ELOVL2: variants seen among roughly 807,000 people sequenced by gnomAD.
ELOVL2 encodes the protein very long chain fatty acid elongase 2.
A neutral mutation model predicts 37.7 loss-of-function variants in ELOVL2; 38 were observed. That is an observed-to-expected ratio of 1.01 (90% confidence interval 0.78 to 1.32). The LOEUF is 1.32. Ranked by LOEUF, ELOVL2 falls within the 40% of genes most tolerant of loss-of-function variation. The probability of loss-of-function intolerance (pLI) is 0.00; values close to 1 mark genes in which losing one functional copy is unlikely to be tolerated. For synonymous variants in ELOVL2, 115 were observed against 122.3 expected (o/e 0.94, Z 0.40); for missense variants, 352 against 363.6 (o/e 0.97, Z 0.26).
intron 7 of ELOVL2, among the ~76,000 whole-genome samples, chr6:10,984,377 T>C (rs910224401): frequency 1.3e-5 from 2 of 152,068 alleles, no homozygotes; most frequent in Non-Finnish European, 2.9e-5. Flanking sequence ...ATTATTATTA[T>C]ACTTTAAGTT....
chr6:11,007,881 GTTT>G (rs1298537319), intron 2 of ELOVL2, among the ~76,000 whole-genome samples: 1 of 152,166 alleles, frequency 6.6e-6, no homozygotes, highest in Admixed American at 6.5e-5. Flanking sequence ...AGCACCTGAG[GTTT>G]TTGTTTTCTT....
At chr6:10,995,407 T>C (rs1581862529) in intron 4 of ELOVL2, among the ~76,000 whole-genome samples, 1 of 100,842 alleles carries the variant, frequency 9.9e-6, no homozygotes, top group East Asian at 3.0e-4. Flanking sequence ...GTGATCACGT[T>C]CCTCCTCTGC....
At chr6:11,041,325 C>T (rs1346754971) in intron 1 of ELOVL2, among the ~76,000 whole-genome samples, 1 of 152,102 alleles carries the variant, frequency 6.6e-6, no homozygotes, top group Non-Finnish European at 1.5e-5. Context: ...CATTCTCTTT[C>T]GGAACATGAA....
intron 1 of ELOVL2, among the ~76,000 whole-genome samples, chr6:11,029,057 CAAAA>C (rs61212546): frequency 9.6e-5 from 8 of 83,558 alleles, no homozygotes; most frequent in Non-Finnish European, 1.2e-4. Flanking sequence ...TTTGTCTCTA[CAAAA>C]AAAAAAAAAA....
chr6:10,995,262 G>T, intron 4 of ELOVL2, 84 bp from the exon 5 acceptor site: 1 of 1,061,464 alleles, frequency 9.4e-7, no homozygotes, highest in Non-Finnish European at 1.4e-6. Context: ...TCTGCCTGCT[G>T]CCTGTGGTTT....
intron 3 of ELOVL2, among the ~76,000 whole-genome samples, chr6:11,003,878 T>A (rs963341041): frequency 6.6e-6 from 1 of 151,916 alleles, no homozygotes; most frequent in Non-Finnish European, 1.5e-5. Context: ...GGTCAGGAGT[T>A]CGAGACCAGC....
At chr6:11,003,082 G>T (rs182671370) in intron 3 of ELOVL2, among the ~76,000 whole-genome samples, 21 of 152,294 alleles carry the variant, frequency 1.4e-4, no homozygotes, top group Non-Finnish European at 2.5e-4. Flanking sequence ...ACCCAAACAG[G>T]TACTAGAACT....
intron 1 of ELOVL2, among the ~76,000 whole-genome samples, chr6:11,016,512 T>G (rs1310100924): frequency 1.3e-5 from 2 of 152,226 alleles, no homozygotes; most frequent in Non-Finnish European, 2.9e-5. Flanking sequence ...AAATGGGATC[T>G]GATCAGCTTA....
intron 1 of ELOVL2, among the ~76,000 whole-genome samples, chr6:11,023,372 T>G (rs146089315): frequency 6.6e-6 from 1 of 152,216 alleles, no homozygotes; most frequent in Non-Finnish European, 1.5e-5. Flanking sequence ...CTTTTGAATA[T>G]GAAAACAAAG....
At chr6:11,028,317 A>G (rs1418481426) in intron 1 of ELOVL2, among the ~76,000 whole-genome samples, 1 of 152,170 alleles carries the variant, frequency 6.6e-6, no homozygotes, top group Non-Finnish European at 1.5e-5. Context: ...TGGGAAGGTA[A>G]GCCATTGCTT....
At chr6:10,995,292 T>C in intron 4 of ELOVL2, 114 bp from the exon 5 acceptor site, 1 of 793,550 alleles carries the variant, frequency 1.3e-6, no homozygotes. Flanking sequence ...TCTTTCTCAC[T>C]GCTGAAAAGG....
At chr6:10,992,786 C>CAAAAAAAAAA in intron 5 of ELOVL2, among the ~76,000 whole-genome samples, 1 of 90,698 alleles carries the variant, frequency 1.1e-5, no homozygotes, top group East Asian at 6.2e-4. Flanking sequence ...GACTCCATCT[C>CAAAAAAAAAA]AAAAAAAACA....
At position 10,990,308 on chromosome 6, in the gene ELOVL2, G is replaced by T. The variant is rs375263595; in HGVS notation, c.630+10C>A. The T allele has an allele frequency of 5.6e-6, 9 of 1,607,414 alleles. No homozygotes were observed. In the African/African-American group the frequency reaches 1.2e-4, roughly 22 times the overall value. ...CACATGGAGAAAAGCTAAAAGAAGG[G>T]ACAACATACCAGCTGAGCCTGTGTG... On this transcript the variant is annotated intron_variant, in intron 6 of 7. Coordinates refer to ENST00000354666, the MANE Select transcript of ELOVL2 (RefSeq NM_017770.4).
At chr6:11,031,144 A>G (rs1782924589) in intron 1 of ELOVL2, among the ~76,000 whole-genome samples, 2 of 152,208 alleles carry the variant, frequency 1.3e-5, no homozygotes, top group South Asian at 4.1e-4. Flanking sequence ...ACTGTTGTAT[A>G]GTATTCCATC....
At chr6:11,008,973 C>T (rs1211450531) in intron 2 of ELOVL2, among the ~76,000 whole-genome samples, 1 of 152,198 alleles carries the variant, frequency 6.6e-6, no homozygotes, top group African/African-American at 2.4e-5. Flanking sequence ...GAGGAAATAA[C>T]TTGTAGAGAA....
At chr6:11,021,116 C>T (rs1006397458) in intron 1 of ELOVL2, among the ~76,000 whole-genome samples, 3 of 152,224 alleles carry the variant, frequency 2.0e-5, no homozygotes, top group Non-Finnish European at 4.4e-5. Flanking sequence ...ATGACCTCCA[C>T]CCACTTTGCT....
At chr6:11,030,759 T>C (rs1782918573) in intron 1 of ELOVL2, among the ~76,000 whole-genome samples, 1 of 152,222 alleles carries the variant, frequency 6.6e-6, no homozygotes, top group Admixed American at 6.5e-5. Context: ...CCCAAAGTGC[T>C]GGGATTACAT....
chr6:11,005,109 A>T (rs917103251), intron 3 of ELOVL2, among the ~76,000 whole-genome samples: 3 of 152,058 alleles, frequency 2.0e-5, no homozygotes, highest in Non-Finnish European at 2.9e-5. Context: ...CAGTGAGCTG[A>T]GATTGTGCCA....
At position 10,980,840 on chromosome 6, in the gene ELOVL2, C is replaced by T. The variant is rs943679452; in HGVS notation, c.*2941G>A. 6.6e-6 allele frequency: 1 copy of T among 152,508 alleles called. No homozygotes were observed. The highest frequency in any genetic ancestry group is 1.5e-5 in the Non-Finnish European group (1 of 68,026). 9.4% of individuals were successfully genotyped at this position (152,508 alleles called of 1,614,324 possible). ...AAAGAGAAATGGCTTCTGCAGCCTC[C>T]CTGTCTACTCCATTCATGATACTAT... On this transcript the variant is annotated 3_prime_UTR_variant, in exon 8 of 8. Coordinates refer to ENST00000354666, the MANE Select transcript of ELOVL2 (RefSeq NM_017770.4).
Sources: allele counts gnomAD v4.1 joint callset (sites outside exome capture counted in the v4.1 genomes callset), GRCh38; gene constraint gnomAD v4.1.1; transcripts MANE v1.5; gene names NCBI Gene and HGNC (gene_info 2026-07-23, HGNC 2026-07-21).